Variants in TANGO2 observed in about 807,000 individuals in gnomAD.
TANGO2 encodes the protein transport and Golgi organization protein 2 homolog.
TANGO2 carries 26 observed loss-of-function variants against 39.1 expected under a neutral mutation model. The observed-to-expected ratio is 0.67, with a 90% CI of 0.49 to 0.92. The LOEUF is 0.92. Among genes scored for constraint, TANGO2 ranks in the 40% least tolerant of loss-of-function variants. The probability of loss-of-function intolerance (pLI) is 0.00; values close to 1 mark genes in which losing one functional copy is unlikely to be tolerated. For missense variants in TANGO2, 326 were observed against 360.1 expected (o/e 0.91, Z 0.77); for synonymous variants, 131 against 144.5 (o/e 0.91, Z 0.67).
chr22:20,040,016 G>A lies in TANGO2; in HGVS notation c.56+3162G>A, dbSNP rs554526230. 7.9e-5 allele frequency among the ~76,000 whole-genome samples: 12 copies of A among 152,324 alleles called. No homozygotes were observed. In the South Asian group the frequency reaches 2.5e-3, roughly 32 times the overall value. On this transcript the variant is annotated intron_variant, in intron 2 of 8. Transcript: ENST00000327374. ...CCTCAGGGACCTCACCGTGGTGGGT[G>A]CATCCCTGTCTCTCTGGACGTGGGG...
intron 1 of TANGO2, among the ~76,000 whole-genome samples, chr22:20,032,102 T>C (rs2041974118): frequency 6.6e-6 from 1 of 152,202 alleles, no homozygotes; most frequent in Non-Finnish European, 1.5e-5. Context: ...ATCAGCATCT[T>C]CCCACCTGTG....
intron 7 of TANGO2, chr22:20,063,067 A>G: frequency 2.5e-6 from 1 of 393,966 alleles, no homozygotes. Context: ...CTGTCAGGAG[A>G]ATTGCTTGAA....
chr22:20,050,444 A>G (rs1313919783), intron 3 of TANGO2, among the ~76,000 whole-genome samples: 1 of 141,362 alleles, frequency 7.1e-6, no homozygotes, highest in Non-Finnish European at 1.5e-5. Context: ...GCTCATTGCA[A>G]CCTCCACCTC....
chr22:20,056,129 C>A (rs2047286669), intron 6 of TANGO2, 116 bp downstream of exon 6: 2 of 866,468 alleles, frequency 2.3e-6, no homozygotes, highest in African/African-American at 1.7e-5. Flanking sequence ...GACTTTGTGG[C>A]CATTTAAGTG....
intron 3 of TANGO2, among the ~76,000 whole-genome samples, chr22:20,050,364 T>G (rs1378093558): frequency 1.4e-5 from 2 of 140,646 alleles, no homozygotes; most frequent in Non-Finnish European, 3.1e-5. Context: ...GGTGGTTTTT[T>G]TTTTTTTTTT....
At chr22:20,058,711 T>C (rs1489071753) in intron 6 of TANGO2, among the ~76,000 whole-genome samples, 1 of 151,576 alleles carries the variant, frequency 6.6e-6, no homozygotes, top group African/African-American at 2.4e-5. Flanking sequence ...TTATTTGCCA[T>C]ATCAGTTTGC....
At chr22:20,059,170 AG>A (rs2047918770) in intron 6 of TANGO2, among the ~76,000 whole-genome samples, 1 of 152,152 alleles carries the variant, frequency 6.6e-6, no homozygotes, top group Non-Finnish European at 1.5e-5. Context: ...TACTGTTGTG[AG>A]GGAGTTTATC....
chr22:20,056,140 C>T (rs1238777103), intron 6 of TANGO2, 127 bp downstream of exon 6: 1 of 807,264 alleles, frequency 1.2e-6, no homozygotes, highest in African/African-American at 1.7e-5. Flanking sequence ...CATTTAAGTG[C>T]CTTATGGTCT....
upstream of TANGO2, among the ~76,000 whole-genome samples, chr22:20,018,765 G>T (rs2146570799): frequency 6.6e-6 from 1 of 152,288 alleles, no homozygotes. Flanking sequence ...GGCCCATTAG[G>T]CTGCAGCCAG....
At chr22:20,063,641 T>G in intron 8 of TANGO2, 199 bp downstream of exon 8, 1 of 557,316 alleles carries the variant, frequency 1.8e-6, no homozygotes, top group South Asian at 2.3e-5. Flanking sequence ...CAGGCTGGGC[T>G]TAAGGAGCCA....
Position 20,062,641 on chromosome 22 carries a change from C to T in TANGO2, c.606-697C>T, listed in dbSNP as rs1197616272. On this transcript the variant is annotated intron_variant, in intron 7 of 8. Transcript: ENST00000327374. The stretch of plus-strand genomic sequence containing the variant: ...GCCGAGGACCGGCCCTGGCTGCCCT[C>T]ACTGATGGCTGGAGCCCCGATGCTA... Among the ~76,000 whole-genome samples the T allele has an allele frequency of 2.6e-5, 4 of 152,370 alleles. No individual in the cohort carries two copies. The East Asian group carries it at 7.7e-4, about 29-fold the overall frequency.
At chr22:20,031,246 C>G (rs1012026996) in intron 1 of TANGO2, among the ~76,000 whole-genome samples, 17 of 151,934 alleles carry the variant, frequency 1.1e-4, no homozygotes, top group African/African-American at 4.1e-4. Context: ...GTAATCTTAG[C>G]TACTTGGGAG....
At chr22:20,040,020 C>G (rs910614353) in intron 2 of TANGO2, among the ~76,000 whole-genome samples, 1 of 152,176 alleles carries the variant, frequency 6.6e-6, no homozygotes, top group African/African-American at 2.4e-5. Flanking sequence ...GTGGGTGCAT[C>G]CCTGTCTCTC....
intron 3 of TANGO2, chr22:20,047,933 T>A (rs187883558): frequency 1.3e-5 from 2 of 151,868 alleles, no homozygotes; most frequent in African/African-American, 4.8e-5. Context: ...GTTTTGTTTT[T>A]TTTTTTTTGA....
upstream of TANGO2, among the ~76,000 whole-genome samples, chr22:20,018,213 T>C (rs988203403): frequency 2.6e-5 from 4 of 152,222 alleles, no homozygotes; most frequent in African/African-American, 9.6e-5. Context: ...CTACTATCAA[T>C]CGATTGGAGC....
intron 1 of TANGO2, among the ~76,000 whole-genome samples, chr22:20,035,278 G>A (rs552439988): frequency 5.4e-4 from 82 of 152,334 alleles, no homozygotes; most frequent in African/African-American, 1.9e-3. Context: ...CCTAATGCCC[G>A]TGCCTATGGA....
intron 1 of TANGO2, among the ~76,000 whole-genome samples, chr22:20,026,633 G>A (rs1389941149): frequency 1.3e-5 from 2 of 152,264 alleles, no homozygotes; most frequent in African/African-American, 4.8e-5. Context: ...ACAGGCACAT[G>A]GTTGCCCACA....
chr22:20,051,632 G>A (rs174875), intron 3 of TANGO2, among the ~76,000 whole-genome samples: 7,408 of 152,204 alleles, frequency 0.049, 270 homozygotes, highest in Non-Finnish European at 0.079. Flanking sequence ...CGGGAGGATC[G>A]CTTGAGCCCA....
chr22:20,020,918 C>G (rs535433788), upstream of TANGO2, among the ~76,000 whole-genome samples: 337 of 152,244 alleles, frequency 2.2e-3, 2 homozygotes, highest in African/African-American at 7.9e-3. Flanking sequence ...CCGCGCAGCC[C>G]GAAGCTTTGG....
Sources: gnomAD v4.1 joint callset for allele counts (sites outside exome capture counted in the v4.1 genomes callset) on GRCh38, gnomAD v4.1.1 for gene constraint, MANE v1.5 for transcripts, NCBI Gene and HGNC (gene_info 2026-07-23, HGNC 2026-07-21) for gene names.